The following ENTHD1 variants were observed in gnomAD, a reference collection of about 807,000 sequenced individuals.
The protein encoded by ENTHD1 is ENTH domain-containing protein 1.
Under a neutral mutation model 39.1 loss-of-function variants are expected in ENTHD1, and 23 were observed. That is an observed-to-expected ratio of 0.59 (90% CI 0.42 to 0.83). ENTHD1 has a LOEUF of 0.83. Among genes scored for constraint, ENTHD1 ranks in the 40% least tolerant of loss-of-function variants. The pLI is 0.00. For synonymous variants in ENTHD1, 230 were observed against 258.2 expected (o/e 0.89, Z 1.05); for missense variants, 624 against 705.4 (o/e 0.88, Z 1.31).
intron 2 of ENTHD1, among the ~76,000 whole-genome samples, chr22:39,877,829 C>G (rs1034100703): frequency 6.6e-6 from 1 of 152,094 alleles, no homozygotes; most frequent in Non-Finnish European, 1.5e-5. Context: ...GATCAGTAAG[C>G]CTAACTTACT....
intron 5 of ENTHD1, among the ~76,000 whole-genome samples, chr22:39,812,183 A>T (rs920366226): frequency 6.6e-6 from 1 of 152,112 alleles, no homozygotes; most frequent in Non-Finnish European, 1.5e-5. Flanking sequence ...CAAAAGGAGT[A>T]TGTATAGGAT....
intron 4 of ENTHD1, among the ~76,000 whole-genome samples, chr22:39,826,389 A>G (rs1232412558): frequency 1.3e-5 from 2 of 150,910 alleles, no homozygotes; most frequent in South Asian, 2.1e-4. Context: ...GGCTTTTTGT[A>G]TCATTCCTTT....
intron 2 of ENTHD1, among the ~76,000 whole-genome samples, chr22:39,881,550 T>C (rs1235231401): frequency 6.6e-6 from 1 of 152,258 alleles, no homozygotes; most frequent in Non-Finnish European, 1.5e-5. Context: ...GCATGTGCCA[T>C]GTGACAGGCA....
At chr22:39,888,412 T>G (rs1049136708) in intron 1 of ENTHD1, among the ~76,000 whole-genome samples, 6 of 151,442 alleles carry the variant, frequency 4.0e-5, no homozygotes, top group African/African-American at 1.5e-4. Context: ...GAACTATAGG[T>G]GTGCGCCACC....
chr22:39,873,887 C>A lies in ENTHD1; in HGVS notation c.350-11880G>T, dbSNP rs993175300. The stretch of plus-strand genomic sequence containing the variant: ...TCTGACAAGGTAAAAAAGGCATTAA[C>A]CATATGTATTAGTCCACTTTCACAC... On this transcript the variant is annotated intron_variant, in intron 2 of 6. Transcript: ENST00000325157. Among the ~76,000 whole-genome samples the A allele has an allele frequency of 3.3e-5, 5 of 152,152 alleles. No homozygotes were observed. In the South Asian group the frequency reaches 1.0e-3, roughly 32 times the overall value.
chr22:39,761,404 C>T (rs2065231873), intron 6 of ENTHD1, among the ~76,000 whole-genome samples: 1 of 152,140 alleles, frequency 6.6e-6, no homozygotes. Context: ...TGTGTCTAGA[C>T]ATAGTGTTTT....
intron 2 of ENTHD1, among the ~76,000 whole-genome samples, chr22:39,870,829 T>C (rs575996559): frequency 6.6e-6 from 1 of 152,240 alleles, no homozygotes; most frequent in East Asian, 1.9e-4. Context: ...CTACAATGTA[T>C]ACGTGGACAA....
chr22:39,816,243 G>A (rs1264008445), intron 5 of ENTHD1, among the ~76,000 whole-genome samples: 1 of 152,172 alleles, frequency 6.6e-6, no homozygotes, highest in East Asian at 1.9e-4. Flanking sequence ...GACAGGATAA[G>A]TTAGTGAACT....
chr22:39,889,269 C>G (rs1467736719), intron 1 of ENTHD1, among the ~76,000 whole-genome samples: 1 of 152,136 alleles, frequency 6.6e-6, no homozygotes, highest in Non-Finnish European at 1.5e-5. Context: ...TATCAGATCT[C>G]AAAACAAGGA....
At position 39,890,147 on chromosome 22, in the gene ENTHD1, TAAAA is replaced by T. The variant is rs1299948937; in HGVS notation, c.-155-2248_-155-2245del. Among the ~76,000 whole-genome samples the T allele has an allele frequency of 2.5e-3, 331 of 134,496 alleles. 1 individual carries two copies. The highest frequency in any genetic ancestry group is 3.8e-3 in the Admixed American group (52 of 13,646). The allele number at this position is 134,496 out of a possible 152,430, so 88.2% of individuals were successfully genotyped here. On this transcript the variant is annotated intron_variant, in intron 1 of 6. Transcript: ENST00000325157. Reference sequence around the variant, plus strand: ...ATAAATAAATAAATAAATAAATAAATAAAAAAGAAAATGTATTAAATATCTGTTT... The same window carrying T: ...ATAAATAAATAAATAAATAAATAAATAAGAAAATGTATTAAATATCTGTTT...
rs757056332 is a variant in ENTHD1 at position 39,744,072 on chromosome 22, TG to T, written c.1430del (p.Pro477GlnfsTer6). The T allele has an allele frequency of 5.6e-6, 9 of 1,614,136 alleles. No individual in the cohort carries two copies. The South Asian group carries it at 9.9e-5, about 18-fold the overall frequency. ...CATTTTCCTCTACATCAGAAGACAC[TG>T]GGCCCCTAGAAGCAAAGGAGTGATG... ...KLHHSFASRG[P>X]VSSDVEENDS... On this transcript the variant is annotated frameshift_variant, in exon 7 of 7. Coordinates refer to ENST00000325157, the MANE Select transcript of ENTHD1 (RefSeq NM_152512.4). LOFTEE classifies it low-confidence loss of function (END_TRUNC).
rs184851294 is a variant in ENTHD1 at position 39,874,023 on chromosome 22, A to G, written c.350-12016T>C. Among the ~76,000 whole-genome samples, 383 of 152,322 alleles carry G rather than the reference A, an allele frequency of 2.5e-3. 2 individuals carry two copies. The highest frequency in any genetic ancestry group is 0.014 in the Middle Eastern group (4 of 294). On this transcript the variant is annotated intron_variant, in intron 2 of 6. Transcript: ENST00000325157. ...TCACAATCATGGCAGAAGGCAAGGA[A>G]GAGCAAGTCACATCTTATGTGGATG...
chr22:39,802,576 T>C (rs571691966), intron 5 of ENTHD1, among the ~76,000 whole-genome samples: 1 of 152,214 alleles, frequency 6.6e-6, no homozygotes, highest in African/African-American at 2.4e-5. Context: ...CAGGGGAAGG[T>C]TCAAGTAGTA....
chr22:39,866,076 T>C (rs1180269781), intron 2 of ENTHD1, among the ~76,000 whole-genome samples: 1 of 152,234 alleles, frequency 6.6e-6, no homozygotes, highest in East Asian at 1.9e-4. Context: ...AACAGTCACA[T>C]GCCCATCACC....
chr22:39,852,915 C>T lies in ENTHD1; in HGVS notation c.592+8850G>A, dbSNP rs918247628. Among the ~76,000 whole-genome samples, 6 of 152,238 alleles carry T rather than the reference C, an allele frequency of 3.9e-5. No individual in the cohort carries two copies. In the East Asian group the frequency reaches 7.7e-4, roughly 20 times the overall value. ...TTTATTTTTAAATTTAAAAGATCAGCTGTTTGACATTTATCAATGCAAATG... is the reference window on the plus strand; with the variant it reads ...TTTATTTTTAAATTTAAAAGATCAGTTGTTTGACATTTATCAATGCAAATG... On this transcript the variant is annotated intron_variant, in intron 3 of 6. Transcript: ENST00000325157.
chr22:39,881,517 G>T (rs576502546), intron 2 of ENTHD1, among the ~76,000 whole-genome samples: 1 of 152,250 alleles, frequency 6.6e-6, no homozygotes, highest in African/African-American at 2.4e-5. Context: ...TTTCCTACTA[G>T]TATAACTATT....
chr22:39,743,517 C>A lies in ENTHD1; in HGVS notation c.*162G>T. The stretch of plus-strand genomic sequence containing the variant: ...TTTCCCTTTTAAAAAATAAACCACC[C>A]AAATGAAAGTATTAGTTTGAAAGAT... On this transcript the variant is annotated 3_prime_UTR_variant, in exon 7 of 7. Coordinates refer to ENST00000325157, the MANE Select transcript of ENTHD1 (RefSeq NM_152512.4). 1.3e-6 allele frequency: 1 copy of A among 755,208 alleles called. No homozygotes were observed. The highest frequency in any genetic ancestry group is 3.0e-5 in the South Asian group (1 of 33,136). 46.8% of individuals were successfully genotyped at this position (755,208 alleles called of 1,614,324 possible).
Position 39,883,587 on chromosome 22 carries a change from T to C in ENTHD1, c.349+3813A>G, listed in dbSNP as rs117255059. 2.3e-4 allele frequency among the ~76,000 whole-genome samples: 35 copies of C among 152,004 alleles called. 1 individual carries two copies. The East Asian group carries it at 6.4e-3, about 28-fold the overall frequency. ...AACACTTCTTTCTAGCCAAGGAATC[T>C]AGATTGGAGAGGAAGAAGTGAAACT... is the stretch of plus-strand genomic sequence containing the variant. On this transcript the variant is annotated intron_variant, in intron 2 of 6. Transcript: ENST00000325157.
chr22:39,790,036 C>T (rs184041199), intron 5 of ENTHD1, among the ~76,000 whole-genome samples: 45 of 152,018 alleles, frequency 3.0e-4, no homozygotes, highest in Non-Finnish European at 6.2e-4. Flanking sequence ...GGGCTGGACA[C>T]GTTCCAGGAA....
Sources: allele counts gnomAD v4.1 joint callset (sites outside exome capture counted in the v4.1 genomes callset), GRCh38; gene constraint gnomAD v4.1.1; transcripts MANE v1.5; gene names NCBI Gene and HGNC (gene_info 2026-07-23, HGNC 2026-07-21).